The following NELL1 variants were observed in gnomAD, a reference collection of about 807,000 sequenced individuals.
NELL1 encodes protein kinase C-binding protein NELL1.
Under a neutral mutation model 107.4 loss-of-function variants are expected in NELL1, and 76 were observed. That is an observed-to-expected ratio of 0.71 (90% CI 0.59 to 0.86). The LOEUF (loss-of-function observed/expected upper bound fraction) is 0.86, where lower values mean the gene tolerates loss of function less well. Among genes scored for constraint, NELL1 ranks in the 40% least tolerant of loss-of-function variants. The pLI is 0.00. For synonymous variants in NELL1, 353 were observed against 341.2 expected, an observed-to-expected ratio of 1.03 and a Z score of -0.38; for missense variants, 1,024 against 1,005.5, an observed-to-expected ratio of 1.02 and a Z score of -0.25.
At chr11:21,269,823 T>G (rs572954410) in intron 14 of NELL1, among the ~76,000 whole-genome samples, 96 of 152,222 alleles carry the variant, frequency 6.3e-4, no homozygotes, top group African/African-American at 2.2e-3. Context: ...CAGATAACAG[T>G]TTGTTCAAAA....
At chr11:21,467,463 T>C (rs1854060699) in intron 15 of NELL1, among the ~76,000 whole-genome samples, 1 of 152,106 alleles carries the variant, frequency 6.6e-6, no homozygotes, top group African/African-American at 2.4e-5. Flanking sequence ...TGCATATTTA[T>C]GTCTTTAAAA....
intron 12 of NELL1, among the ~76,000 whole-genome samples, chr11:20,973,810 C>T (rs563242338): frequency 8.5e-4 from 130 of 152,274 alleles, no homozygotes; most frequent in Non-Finnish European, 1.6e-3. Context: ...GGACTTTTCC[C>T]ATTCATTTCT....
intron 16 of NELL1, among the ~76,000 whole-genome samples, chr11:21,542,460 A>G (rs1169615757): frequency 6.6e-6 from 1 of 152,086 alleles, no homozygotes; most frequent in Non-Finnish European, 1.5e-5. Context: ...GACAGTTACA[A>G]TATTATCTCT....
Position 20,847,722 on chromosome 11 carries a change from T to C in NELL1, c.475T>C (p.Ser159Pro). Residue 159 changes from serine to proline, a missense_variant, in exon 4 of 20, where the codon TCT (serine) becomes CCT (proline). Ser to Pro is a moderately conservative substitution (Grantham distance 74, BLOSUM62 -1). Transcript: ENST00000357134. ...CAAGGTTGCACTGTCAGTTAGCGCCTCTCATCTCCTGCTCCATGTCGACTG... is the reference window on the plus strand; with the variant it reads ...CAAGGTTGCACTGTCAGTTAGCGCCCCTCATCTCCTGCTCCATGTCGACTG... ...WHKVALSVSA[S>P]HLLLHVDCNR... 1 of 1,612,908 alleles carries C rather than the reference T, an allele frequency of 6.2e-7. No homozygotes were observed. The highest frequency in any genetic ancestry group is 8.5e-7 in the Non-Finnish European group (1 of 1,179,432).
intron 2 of NELL1, among the ~76,000 whole-genome samples, chr11:20,783,227 G>C (rs1039645243): frequency 3.3e-5 from 5 of 152,182 alleles, no homozygotes; most frequent in Admixed American, 6.5e-5. Flanking sequence ...GATGCTGAGT[G>C]GCATTTGGGT....
chr11:21,032,085 T>TAAC (rs1004021423), intron 12 of NELL1, among the ~76,000 whole-genome samples: 1 of 148,988 alleles, frequency 6.7e-6, no homozygotes, highest in Non-Finnish European at 1.5e-5. Flanking sequence ...ATAATAATAA[T>TAAC]GATAAAATAA....
intron 13 of NELL1, among the ~76,000 whole-genome samples, chr11:21,164,546 G>A (rs1856440668): frequency 6.6e-6 from 1 of 152,040 alleles, no homozygotes; most frequent in African/African-American, 2.4e-5. Flanking sequence ...CCTGCCTTTA[G>A]TGTTATACAC....
chr11:21,290,681 G>A (rs182219099), intron 14 of NELL1, among the ~76,000 whole-genome samples: 287 of 152,292 alleles, frequency 1.9e-3, no homozygotes, highest in African/African-American at 6.4e-3. Context: ...TGCAGCCTCT[G>A]CTGGTGATAC....
At chr11:21,022,800 T>G (rs1852731215) in intron 12 of NELL1, among the ~76,000 whole-genome samples, 1 of 152,086 alleles carries the variant, frequency 6.6e-6, no homozygotes, top group Non-Finnish European at 1.5e-5. Context: ...AGGGTTAAAT[T>G]AGATTATGTA....
chr11:21,345,574 T>A (rs1030454616), intron 14 of NELL1, among the ~76,000 whole-genome samples: 1 of 152,188 alleles, frequency 6.6e-6, no homozygotes, highest in African/African-American at 2.4e-5. Context: ...AAACAGATCT[T>A]CTGACCACAG....
At chr11:21,490,450 T>A (rs897990180) in intron 15 of NELL1, among the ~76,000 whole-genome samples, 2 of 102,186 alleles carry the variant, frequency 2.0e-5, no homozygotes, top group Non-Finnish European at 1.9e-5. Flanking sequence ...CTAAAATGTG[T>A]ATGGAACCAA....
chr11:21,570,822 T>C lies in NELL1; in HGVS notation c.2039T>C (p.Leu680Pro), dbSNP rs1274325805. ...GATTGCCAGAATCCAAGTGCTGACC[T>C]ATTCTGTTGCCCAGAATGTGACACC... ...ACDCQNPSADLFCCPECDTRV... is the reference protein window; with the variant it reads ...ACDCQNPSADPFCCPECDTRV... The change falls in exon 18 of 20, where the codon CTA becomes CCA. Residue 680 changes from leucine to proline, a missense_variant. Transcript: ENST00000357134. 1 of 1,611,934 alleles carries C rather than the reference T, an allele frequency of 6.2e-7. No individual in the cohort carries two copies. Among genetic ancestry groups the C allele is most frequent in the Non-Finnish European group, 8.5e-7 (1 of 1,178,678 alleles).
At chr11:21,442,447 C>T (rs1050933738) in intron 15 of NELL1, among the ~76,000 whole-genome samples, 1 of 152,080 alleles carries the variant, frequency 6.6e-6, no homozygotes, top group African/African-American at 2.4e-5. Flanking sequence ...CCAAGAAATA[C>T]TTGTGGATCT....
At chr11:21,002,239 C>T (rs1432144631) in intron 12 of NELL1, among the ~76,000 whole-genome samples, 2 of 107,072 alleles carry the variant, frequency 1.9e-5, no homozygotes, top group Non-Finnish European at 3.6e-5. Flanking sequence ...CATATCGAAG[C>T]CATAAAAGGC....
chr11:20,697,118 G>T (rs983161162), intron 2 of NELL1, among the ~76,000 whole-genome samples: 1 of 152,156 alleles, frequency 6.6e-6, no homozygotes, highest in Non-Finnish European at 1.5e-5. Context: ...ACAAATTAGC[G>T]ATGGTGCCGG....
intron 12 of NELL1, among the ~76,000 whole-genome samples, chr11:21,013,656 C>A (rs1852500616): frequency 6.6e-6 from 1 of 152,106 alleles, no homozygotes; most frequent in Non-Finnish European, 1.5e-5. Context: ...GTGTACAGAG[C>A]TTGCAGTCTT....
At chr11:20,690,910 C>A (rs150971760) in intron 2 of NELL1, among the ~76,000 whole-genome samples, 30,166 of 150,722 alleles carry the variant, frequency 0.2, 3,187 homozygotes, top group African/African-American at 0.27. Flanking sequence ...TCTTCCTACC[C>A]ATGAGCATGG....
intron 15 of NELL1, among the ~76,000 whole-genome samples, chr11:21,477,689 C>T (rs1854377529): frequency 6.6e-6 from 1 of 152,048 alleles, no homozygotes; most frequent in African/African-American, 2.4e-5. Flanking sequence ...AACATGACCT[C>T]ACCACACAAA....
Position 21,032,750 on chromosome 11 carries a change from G to T in NELL1, c.1300+72190G>T, listed in dbSNP as rs569396627. ...TCTTGTTACTTTTTCCAGACTTTTA[G>T]TTCTAATTTGTTTTGTTACTACCGA... is the stretch of plus-strand genomic sequence containing the variant. On this transcript the variant is annotated intron_variant, in intron 12 of 19. Transcript: ENST00000357134. Among the ~76,000 whole-genome samples, 28 of 152,144 alleles carry T rather than the reference G, an allele frequency of 1.8e-4. No individual in the cohort carries two copies. The South Asian group carries it at 5.8e-3, about 32-fold the overall frequency.
Sources: gnomAD v4.1 joint callset for allele counts (sites outside exome capture counted in the v4.1 genomes callset) on GRCh38, gnomAD v4.1.1 for gene constraint, MANE v1.5 for transcripts, NCBI Gene and HGNC (gene_info 2026-07-23, HGNC 2026-07-21) for gene names.